SND1: variants seen among roughly 807,000 people sequenced by gnomAD.
SND1 encodes the protein staphylococcal nuclease domain-containing protein 1.
A neutral mutation model predicts 121.7 loss-of-function variants in SND1; 38 were observed. The observed-to-expected ratio is 0.31, with a 90% CI of 0.24 to 0.41. The LOEUF (loss-of-function observed/expected upper bound fraction) is 0.41. Among genes scored for constraint, SND1 ranks in the 10% least tolerant of loss-of-function variants. The pLI is 1.00. For synonymous variants in SND1, 401 were observed against 447.4 expected (o/e 0.90, Z 1.31); for missense variants, 868 against 1,184.6 (o/e 0.73, Z 3.92).
intron 1 of SND1, among the ~76,000 whole-genome samples, chr7:127,672,733 T>A (rs73720873): frequency 9.2e-4 from 140 of 152,312 alleles, no homozygotes; most frequent in African/African-American, 3.2e-3. Flanking sequence ...TGTCTCTAGT[T>A]TCCTTCATTC....
intron 17 of SND1, 132 bp downstream of exon 17, chr7:128,074,822 C>A: frequency 1.1e-6 from 1 of 876,452 alleles, no homozygotes; most frequent in Non-Finnish European, 1.7e-6. Context: ...TGGTCTCAGA[C>A]CCCACACCAA....
intron 13 of SND1, among the ~76,000 whole-genome samples, chr7:127,903,503 G>A (rs1052991263): frequency 6.6e-6 from 1 of 152,126 alleles, no homozygotes; most frequent in Non-Finnish European, 1.5e-5. Flanking sequence ...AAACTAGATA[G>A]TAGGAAAACT....
At chr7:127,989,603 C>G (rs1402429369) in intron 15 of SND1, among the ~76,000 whole-genome samples, 1 of 151,882 alleles carries the variant, frequency 6.6e-6, no homozygotes, top group African/African-American at 2.4e-5. Flanking sequence ...ATCTCTTGTA[C>G]GTTCCCTTGA....
chr7:128,004,335 A>G (rs574138870), intron 16 of SND1, among the ~76,000 whole-genome samples: 1 of 152,142 alleles, frequency 6.6e-6, no homozygotes. Context: ...TTCTAAGGAC[A>G]CCCAGACCCC....
intron 15 of SND1, among the ~76,000 whole-genome samples, chr7:127,958,792 C>T (rs559157827): frequency 1.2e-4 from 19 of 152,226 alleles, no homozygotes; most frequent in African/African-American, 4.6e-4. Flanking sequence ...AAGAGTAAAC[C>T]ACTGGACAAC....
intron 16 of SND1, among the ~76,000 whole-genome samples, chr7:128,058,795 A>G (rs549027301): frequency 6.6e-6 from 1 of 152,146 alleles, no homozygotes; most frequent in East Asian, 1.9e-4. Context: ...CAGGATTTTT[A>G]TACATGTTGT....
chr7:127,843,477 G>A (rs779126568), intron 11 of SND1, among the ~76,000 whole-genome samples: 1 of 152,066 alleles, frequency 6.6e-6, no homozygotes, highest in Non-Finnish European at 1.5e-5. Flanking sequence ...CTAGAATGTC[G>A]TATAGTTGGA....
chr7:127,901,052 A>G (rs1221607036), intron 13 of SND1, among the ~76,000 whole-genome samples: 2 of 152,216 alleles, frequency 1.3e-5, no homozygotes, highest in Admixed American at 6.5e-5. Context: ...GAAAGGCAGT[A>G]TGGGGAGCAG....
At chr7:128,022,808 G>A (rs565382044) in intron 16 of SND1, among the ~76,000 whole-genome samples, 2 of 151,032 alleles carry the variant, frequency 1.3e-5, no homozygotes, top group African/African-American at 4.9e-5. Flanking sequence ...CCTGAAGGCT[G>A]GGTTGCTTCC....
At chr7:127,693,979 A>C (rs1795965795) in intron 2 of SND1, among the ~76,000 whole-genome samples, 1 of 152,182 alleles carries the variant, frequency 6.6e-6, no homozygotes. Context: ...TTGAGATGAC[A>C]TGGAGACTCT....
At chr7:127,671,292 C>T (rs1380650701) in intron 1 of SND1, among the ~76,000 whole-genome samples, 1 of 152,146 alleles carries the variant, frequency 6.6e-6, no homozygotes, top group Admixed American at 6.5e-5. Flanking sequence ...CTCCTGTATC[C>T]CCTTTACCAA....
chr7:127,652,254 C>T lies in SND1; in HGVS notation c.-120C>T. ...GCGCCCGGCGAGTCCGTCCCGTCCA[C>T]CGTCCGCAGCTGGTAGCCAGCCTGC... On this transcript the variant is annotated 5_prime_UTR_variant, in exon 1 of 24. Coordinates refer to ENST00000354725, the MANE Select transcript of SND1 (RefSeq NM_014390.4). 1.2e-6 allele frequency: 1 copy of T among 841,470 alleles called. No individual in the cohort carries two copies. Among genetic ancestry groups the T allele is most frequent in the Non-Finnish European group, 2.0e-6 (1 of 501,050 alleles). The allele number at this position is 841,470 out of a possible 1,614,324, so 52.1% of individuals were successfully genotyped here. A position where few individuals can be genotyped will look rare whatever the true frequency, so the allele number is the denominator to read the frequency against.
At chr7:128,050,578 G>A (rs775123507) in intron 16 of SND1, among the ~76,000 whole-genome samples, 37 of 152,150 alleles carry the variant, frequency 2.4e-4, no homozygotes, top group Non-Finnish European at 5.0e-4. Flanking sequence ...CAGATCCCCA[G>A]CAATTTTGCC....
chr7:128,074,360 G>A (rs1793468708), intron 16 of SND1, 142 bp from the exon 17 acceptor site: 1 of 703,358 alleles, frequency 1.4e-6, no homozygotes, highest in East Asian at 2.9e-5. Context: ...GAAATTGAAG[G>A]GTTCTGGGGG....
At chr7:127,947,885 G>A (rs1156360760) in intron 15 of SND1, among the ~76,000 whole-genome samples, 2 of 151,806 alleles carry the variant, frequency 1.3e-5, no homozygotes, top group Admixed American at 1.3e-4. Context: ...TTGTTTTATT[G>A]GCCCCAGAGA....
chr7:127,917,278 G>T (rs537611963), intron 14 of SND1, among the ~76,000 whole-genome samples: 1 of 152,150 alleles, frequency 6.6e-6, no homozygotes, highest in Non-Finnish European at 1.5e-5. Flanking sequence ...CAAATACACC[G>T]AAAGCACTAA....
chr7:127,705,365 C>G (rs1413223064), intron 8 of SND1, among the ~76,000 whole-genome samples: 1 of 152,174 alleles, frequency 6.6e-6, no homozygotes, highest in East Asian at 1.9e-4. Context: ...GGTTTTAAAC[C>G]AGGACCATTC....
intron 14 of SND1, chr7:127,928,071 GA>G (rs1331634698): frequency 6.6e-6 from 1 of 152,214 alleles, no homozygotes; most frequent in Non-Finnish European, 1.5e-5. Context: ...TTGAGAGACT[GA>G]AAGGATTTGA....
At chr7:127,800,603 C>G (rs1045408726) in intron 10 of SND1, among the ~76,000 whole-genome samples, 1 of 152,170 alleles carries the variant, frequency 6.6e-6, no homozygotes, top group African/African-American at 2.4e-5. Flanking sequence ...GAGATTTTCT[C>G]TCCCTCAACA....
Sources: allele counts gnomAD v4.1 joint callset (sites outside exome capture counted in the v4.1 genomes callset), GRCh38; gene constraint gnomAD v4.1.1; transcripts MANE v1.5; gene names NCBI Gene and HGNC (gene_info 2026-07-23, HGNC 2026-07-21).